The following CCDC93 variants were observed in gnomAD, a reference collection of about 807,000 sequenced individuals.
The protein encoded by CCDC93 is CCC complex scaffolding subunit CCDC93.
In CCDC93, 61 loss-of-function variants were observed where a neutral mutation model predicts 108.2. The ratio of observed to expected loss-of-function variants is 0.56; its 90% confidence interval spans 0.46 to 0.70. CCDC93 has a LOEUF of 0.70. Among genes scored for constraint, CCDC93 ranks in the 30% least tolerant of loss-of-function variants. The pLI, the probability that CCDC93 is intolerant of heterozygous loss-of-function variation, is 0.00. For missense variants in CCDC93, 685 were observed against 764.2 expected, an observed-to-expected ratio of 0.90 and a Z score of 1.22; for synonymous variants, 276 against 260.4, an observed-to-expected ratio of 1.06 and a Z score of -0.58.
intron 3 of CCDC93, among the ~76,000 whole-genome samples, chr2:118,004,648 T>G (rs907037138): frequency 1.3e-5 from 2 of 152,198 alleles, no homozygotes; most frequent in Admixed American, 1.3e-4. Context: ...TTTAGATGAC[T>G]CAGTACCCTG....
chr2:117,953,962 A>G (rs942788264), intron 12 of CCDC93, among the ~76,000 whole-genome samples: 1 of 152,162 alleles, frequency 6.6e-6, no homozygotes, highest in Non-Finnish European at 1.5e-5. Context: ...GGAAGCAGCA[A>G]CTAGGCATCA....
At chr2:117,935,622 C>CT (rs1678497224) in intron 21 of CCDC93, 43 bp from the exon 22 acceptor site, 1 of 1,411,434 alleles carries the variant, frequency 7.1e-7, no homozygotes, top group Non-Finnish European at 1.0e-6. Context: ...ACACAGGACT[C>CT]TGAGGCAGGG....
intron 23 of CCDC93, among the ~76,000 whole-genome samples, chr2:117,927,954 C>A (rs1008582587): frequency 2.6e-5 from 4 of 152,076 alleles, no homozygotes; most frequent in Non-Finnish European, 5.9e-5. Flanking sequence ...GAAATAATGC[C>A]GCACATCTAC....
At chr2:117,935,886 A>T (rs1226998215) in intron 21 of CCDC93, 5 of 238,852 alleles carry the variant, frequency 2.1e-5, no homozygotes, top group Non-Finnish European at 4.0e-5. Context: ...TAACAAAAAC[A>T]TTATTTATTT....
chr2:118,004,780 C>G (rs1363543760), intron 3 of CCDC93, among the ~76,000 whole-genome samples: 1 of 152,188 alleles, frequency 6.6e-6, no homozygotes, highest in Non-Finnish European at 1.5e-5. Context: ...GTTCATGGCT[C>G]TGCACTTAAG....
chr2:117,995,749 G>A (rs868683000), intron 5 of CCDC93: 11 of 383,794 alleles, frequency 2.9e-5, no homozygotes, highest in Admixed American at 2.1e-4. Context: ...TGCTTAAGAC[G>A]AGAGTTCTCA....
At chr2:118,000,160 G>A (rs1573527812) in intron 4 of CCDC93, 1 of 152,264 alleles carries the variant, frequency 6.6e-6, no homozygotes, top group Non-Finnish European at 1.5e-5. Flanking sequence ...AGTCTAATGA[G>A]AGAAGCAGAT....
At chr2:117,951,605 A>AG in intron 13 of CCDC93, 1 of 1,000,276 alleles carries the variant, frequency 1.0e-6, no homozygotes, top group African/African-American at 1.7e-5. Flanking sequence ...AGTACGAGGT[A>AG]GGGACCTTGC....
chr2:117,927,779 C>A (rs528103887), intron 23 of CCDC93, among the ~76,000 whole-genome samples: 1 of 152,150 alleles, frequency 6.6e-6, no homozygotes, highest in African/African-American at 2.4e-5. Flanking sequence ...CATATGGAAC[C>A]AAAAAACAGC....
chr2:117,932,884 C>G (rs1678393757), intron 22 of CCDC93, among the ~76,000 whole-genome samples: 1 of 152,226 alleles, frequency 6.6e-6, no homozygotes, highest in African/African-American at 2.4e-5. Flanking sequence ...AGGTCCCTCT[C>G]TCTTATTAGG....
chr2:117,949,180 G>A, intron 14 of CCDC93, 142 bp downstream of exon 14: 1 of 622,520 alleles, frequency 1.6e-6, no homozygotes, highest in South Asian at 1.9e-5. Flanking sequence ...CTTTCTGGAT[G>A]AACAGTAAAA....
At chr2:117,955,722 C>T (rs35927779) in intron 12 of CCDC93, among the ~76,000 whole-genome samples, 3,820 of 152,216 alleles carry the variant, frequency 0.025, 70 homozygotes, top group Middle Eastern at 0.075. Flanking sequence ...TTTTATAAAG[C>T]ACATAGTAAT....
chr2:118,003,336 T>G (rs1320193880), intron 3 of CCDC93, among the ~76,000 whole-genome samples: 1 of 152,190 alleles, frequency 6.6e-6, no homozygotes, highest in East Asian at 1.9e-4. Flanking sequence ...CTTATTTAAT[T>G]TCCTTGAAAC....
chr2:117,952,393 C>T lies in CCDC93; in HGVS notation c.1048G>A (p.Ala350Thr). The T allele has an allele frequency of 1.2e-6, 2 of 1,613,192 alleles. No homozygotes were observed. Among genetic ancestry groups the T allele is most frequent in the Non-Finnish European group, 1.7e-6 (2 of 1,179,138 alleles). ...HTSLQARYNE[A>T]KKTLTELKTY... is the part of the protein sequence containing the mutation. ...CTCACCTCTGTCAGCGTTTTCTTGG[C>T]TTCATTATATCTGGCTTGTAGGCTG... The change falls in exon 13 of 24, where the codon GCC (alanine) becomes ACC (threonine). Residue 350 changes from alanine (A) to threonine (T), a missense_variant. Physicochemically the swap from Ala to Thr is moderately conservative, Grantham distance 58. Transcript: ENST00000376300.
chr2:117,936,398 T>G (rs1361983050), intron 21 of CCDC93: 1 of 286,356 alleles, frequency 3.5e-6, no homozygotes, highest in Non-Finnish European at 6.5e-6. Flanking sequence ...CTCTATGTGT[T>G]CATTAACAAA....
chr2:117,977,886 C>G lies in CCDC93; in HGVS notation c.657+108G>C, dbSNP rs1679993278. 3.0e-6 allele frequency: 3 copies of G among 1,010,000 alleles called. No homozygotes were observed. In the South Asian group the frequency reaches 4.0e-5, roughly 13 times the overall value. 62.6% of individuals were successfully genotyped at this position (1,010,000 alleles called of 1,614,324 possible). ...AGGGGCCAAAGGCAGCTCACACATC[C>G]CTGGGTTTCCCAAGAAGCTGCTGCC... On this transcript the variant is annotated intron_variant, in intron 8 of 23. Coordinates refer to ENST00000376300, the MANE Select transcript of CCDC93 (RefSeq NM_019044.5).
intron 14 of CCDC93, among the ~76,000 whole-genome samples, chr2:117,948,588 T>C (rs1429032215): frequency 6.6e-6 from 1 of 152,252 alleles, no homozygotes; most frequent in Non-Finnish European, 1.5e-5. Context: ...AAGCACTAAT[T>C]TGACAATAAA....
rs377364660 is a variant in CCDC93 at position 118,007,665 on chromosome 2, TCAAA to T, written c.157-853_157-850del. ...GCCTGGGCAGCAGAGAGACTCCATCTCAAACAAACAAACAAACAACAACAACAAA... is the reference window on the plus strand; with the variant it reads ...GCCTGGGCAGCAGAGAGACTCCATCTCAAACAAACAAACAACAACAACAAA... On this transcript the variant is annotated intron_variant, in intron 2 of 23. Coordinates refer to ENST00000376300, the MANE Select transcript of CCDC93 (RefSeq NM_019044.5). Among the ~76,000 whole-genome samples, 9 of 152,038 alleles carry T rather than the reference TCAAA, an allele frequency of 5.9e-5. No homozygotes were observed. The East Asian group carries it at 7.7e-4, about 13-fold the overall frequency.
At chr2:118,009,702 T>TGA in intron 1 of CCDC93, among the ~76,000 whole-genome samples, 1 of 152,052 alleles carries the variant, frequency 6.6e-6, no homozygotes, top group East Asian at 1.9e-4. Context: ...AAAGTTATAC[T>TGA]CATCCAGAAG....
Sources: allele counts gnomAD v4.1 joint callset (sites outside exome capture counted in the v4.1 genomes callset), GRCh38; gene constraint gnomAD v4.1.1; transcripts MANE v1.5; gene names NCBI Gene and HGNC (gene_info 2026-07-23, HGNC 2026-07-21).